USP13: variants seen among roughly 807,000 people sequenced by gnomAD.
The protein encoded by USP13 is ubiquitin specific peptidase 13, also known as ubiquitin carboxyl-terminal hydrolase 13.
USP13 carries 68 observed loss-of-function variants against 107.8 expected under a neutral mutation model. The observed-to-expected ratio is 0.63, with a 90% confidence interval of 0.52 to 0.77. USP13 has a LOEUF of 0.77. USP13 is among the 30% of genes least tolerant of loss of function. The pLI, the probability that USP13 is intolerant of heterozygous loss-of-function variation, is 0.00. For missense variants in USP13, 945 were observed against 1,093.3 expected (o/e 0.86, Z 1.91); for synonymous variants, 377 against 389.5 (o/e 0.97, Z 0.38).
intron 15 of USP13, among the ~76,000 whole-genome samples, chr3:179,755,177 G>T (rs1311826634): frequency 2.0e-5 from 3 of 152,316 alleles, no homozygotes; most frequent in East Asian, 3.9e-4. Flanking sequence ...GCGTGAGTTG[G>T]TTTTAAAACT....
At chr3:179,743,332 T>C (rs563720230) in intron 12 of USP13, among the ~76,000 whole-genome samples, 1 of 151,560 alleles carries the variant, frequency 6.6e-6, no homozygotes, top group African/African-American at 2.4e-5. Flanking sequence ...TATACTTATG[T>C]AACAGACCTG....
chr3:179,771,709 T>C (rs551783507), intron 19 of USP13, among the ~76,000 whole-genome samples: 2 of 152,164 alleles, frequency 1.3e-5, no homozygotes, highest in East Asian at 1.9e-4. Flanking sequence ...AATAATAAGG[T>C]AGGTGTTATG....
In USP13 at chr3:179,784,951, T is replaced by C. The variant is rs904127582; in HGVS notation, c.*810T>C. The C allele has an allele frequency of 2.6e-5, 4 of 152,246 alleles. No homozygotes were observed. The highest frequency in any genetic ancestry group is 4.8e-5 in the African/African-American group (2 of 41,478). The allele number at this position is 152,246 out of a possible 1,614,324, so 9.4% of individuals were successfully genotyped here. ...TTAAGGAGTAAAAAGGGCTGAGTTA[T>C]GCCTTTAAGTGCTGTCAAGAATTCA... On this transcript the variant is annotated 3_prime_UTR_variant, in exon 21 of 21. Coordinates refer to ENST00000263966, the MANE Select transcript of USP13 (RefSeq NM_003940.3).
At chr3:179,779,594 G>A (rs904495624) in intron 19 of USP13, among the ~76,000 whole-genome samples, 14 of 151,942 alleles carry the variant, frequency 9.2e-5, no homozygotes, top group Non-Finnish European at 4.4e-5. Flanking sequence ...GCCCTCACAC[G>A]TTCATGGGCA....
At chr3:179,671,098 C>A (rs1424575811) in intron 1 of USP13, among the ~76,000 whole-genome samples, 2 of 151,624 alleles carry the variant, frequency 1.3e-5, no homozygotes, top group African/African-American at 4.8e-5. Context: ...ACTAAAAATA[C>A]AAAAATTAAC....
intron 8 of USP13, among the ~76,000 whole-genome samples, chr3:179,723,972 G>A (rs1461984118): frequency 1.3e-5 from 2 of 151,138 alleles, no homozygotes; most frequent in African/African-American, 4.9e-5. Flanking sequence ...AAGCAGCAAA[G>A]TTAGATCCCA....
intron 10 of USP13, among the ~76,000 whole-genome samples, chr3:179,736,967 G>A (rs1292604499): frequency 6.6e-6 from 1 of 152,240 alleles, no homozygotes; most frequent in Non-Finnish European, 1.5e-5. Flanking sequence ...GCATGCTGAT[G>A]TGAATGCCTA....
chr3:179,777,110 A>G (rs1389751864), intron 19 of USP13, among the ~76,000 whole-genome samples: 1 of 152,170 alleles, frequency 6.6e-6, no homozygotes, highest in Non-Finnish European at 1.5e-5. Flanking sequence ...AATTTAAATA[A>G]TAGGACTAAG....
intron 1 of USP13, among the ~76,000 whole-genome samples, chr3:179,658,567 T>A (rs1422166357): frequency 6.6e-6 from 1 of 152,160 alleles, no homozygotes; most frequent in Non-Finnish European, 1.5e-5. Flanking sequence ...AGTGGAATTA[T>A]GAGCAAGAGA....
In USP13 at chr3:179,730,517, C is replaced by T. The variant is rs1031609719; in HGVS notation, c.1161-99C>T. 3.9e-6 allele frequency: 4 copies of T among 1,016,216 alleles called. No homozygotes were observed. In the African/African-American group the frequency reaches 6.5e-5, roughly 17 times the overall value. The allele number at this position is 1,016,216 out of a possible 1,614,324, so 62.9% of individuals were successfully genotyped here. A position where few individuals can be genotyped will look rare whatever the true frequency, so the allele number is the denominator to read the frequency against. The stretch of plus-strand genomic sequence containing the variant: ...GTGTAACGCAGATCAAATGCTCCAC[C>T]TAACAGCAGTTGTACTTATTGATAT... On this transcript the variant is annotated intron_variant, in intron 9 of 20. Coordinates refer to ENST00000263966, the MANE Select transcript of USP13 (RefSeq NM_003940.3).
intron 5 of USP13, among the ~76,000 whole-genome samples, chr3:179,707,601 G>A (rs900899809): frequency 6.6e-6 from 1 of 151,998 alleles, no homozygotes; most frequent in African/African-American, 2.4e-5. Context: ...CACTTCCCTG[G>A]GATCACCTCC....
intron 15 of USP13, among the ~76,000 whole-genome samples, chr3:179,756,218 A>C (rs1483224668): frequency 2.6e-5 from 4 of 152,228 alleles, no homozygotes; most frequent in Middle Eastern, 3.4e-3. Flanking sequence ...AAGTCAGGAG[A>C]TTAAGACCAT....
chr3:179,712,489 C>T (rs9843747), intron 6 of USP13, among the ~76,000 whole-genome samples: 28,768 of 151,876 alleles, frequency 0.19, 2,816 homozygotes, highest in Admixed American at 0.25. Context: ...CATGTACACA[C>T]GCACACCCAC....
At chr3:179,687,659 CAAAAAA>C (rs71182509) in intron 2 of USP13, among the ~76,000 whole-genome samples, 417 of 18,522 alleles carry the variant, frequency 0.023, 15 homozygotes, top group African/African-American at 0.038. Context: ...AACTCTGTCT[CAAAAAA>C]AAAAAAAAAA....
At chr3:179,666,862 C>T (rs1471289902) in intron 1 of USP13, among the ~76,000 whole-genome samples, 2 of 152,328 alleles carry the variant, frequency 1.3e-5, no homozygotes, top group Non-Finnish European at 2.9e-5. Flanking sequence ...ACCAGGCAGC[C>T]CGCAGGGGGC....
At chr3:179,771,558 CTG>C (rs1278807601) in intron 19 of USP13, among the ~76,000 whole-genome samples, 1 of 152,196 alleles carries the variant, frequency 6.6e-6, no homozygotes, top group African/African-American at 2.4e-5. Flanking sequence ...GCCCAGTAAT[CTG>C]TGTTTTAACA....
intron 10 of USP13, among the ~76,000 whole-genome samples, chr3:179,736,331 G>A (rs1713995942): frequency 6.6e-6 from 1 of 152,192 alleles, no homozygotes; most frequent in South Asian, 2.1e-4. Context: ...TTCAGAGCCT[G>A]ACTTTCTAAT....
intron 16 of USP13, among the ~76,000 whole-genome samples, chr3:179,759,719 G>C (rs1243202542): frequency 6.6e-6 from 1 of 152,140 alleles, no homozygotes; most frequent in Non-Finnish European, 1.5e-5. Flanking sequence ...CTGTCACCAG[G>C]TTGGAGTGCC....
intron 1 of USP13, among the ~76,000 whole-genome samples, chr3:179,661,233 C>T (rs1277909921): frequency 2.0e-5 from 3 of 152,266 alleles, no homozygotes; most frequent in South Asian, 2.1e-4. Flanking sequence ...AACCAAAGTT[C>T]TAGAGTTTAG....
Sources: allele counts gnomAD v4.1 joint callset (sites outside exome capture counted in the v4.1 genomes callset), GRCh38; gene constraint gnomAD v4.1.1; transcripts MANE v1.5; gene names NCBI Gene and HGNC (gene_info 2026-07-23, HGNC 2026-07-21).